The following SUCO variants were observed in gnomAD, a reference collection of about 807,000 sequenced individuals.
SUCO encodes the protein SUN domain containing ossification factor.
In SUCO, 57 loss-of-function variants were observed where a neutral mutation model predicts 148.1. The observed-to-expected ratio is 0.38, with a 90% CI of 0.31 to 0.48. SUCO has a LOEUF of 0.48. Among genes scored for constraint, SUCO ranks in the 20% least tolerant of loss-of-function variants. The pLI, the probability that SUCO is intolerant of heterozygous loss-of-function variation, is 0.96. For missense variants in SUCO, 1,331 were observed against 1,468.2 expected (o/e 0.91, Z 1.53); for synonymous variants, 470 against 502.7 (o/e 0.93, Z 0.87).
chr1:172,607,528 A>G (rs12739997), intron 22 of SUCO, among the ~76,000 whole-genome samples: 28,443 of 151,716 alleles, frequency 0.19, 3,130 homozygotes, highest in South Asian at 0.27. Flanking sequence ...ACCAAAGTTC[A>G]TATATTCTTG....
Position 172,557,270 on chromosome 1 carries a change from C to T in SUCO, c.444-10C>T, listed in dbSNP as rs1558180773. 1 of 1,609,198 alleles carries T rather than the reference C, an allele frequency of 6.2e-7. No individual in the cohort carries two copies. Among genetic ancestry groups the T allele is most frequent in the East Asian group, 2.2e-5 (1 of 44,796 alleles). On this transcript the variant is annotated splice_polypyrimidine_tract_variant and intron_variant, in intron 4 of 23. Transcript: ENST00000263688. ...AATTACCAGATTATGTTTCTTGTTT[C>T]TTTTTTTAGTGAAATAGAAAAATCT...
intron 19 of SUCO, among the ~76,000 whole-genome samples, chr1:172,596,977 C>G (rs1383033308): frequency 6.6e-6 from 1 of 152,230 alleles, no homozygotes; most frequent in Non-Finnish European, 1.5e-5. Context: ...CTACTCAAGC[C>G]TCAGCAATGG....
chr1:172,532,968 G>T, upstream of SUCO: 1 of 1,364,328 alleles, frequency 7.3e-7, no homozygotes, highest in Non-Finnish European at 9.7e-7. Flanking sequence ...CGAAGGGGGC[G>T]TGGCCTGCGC....
rs1179814611 is a variant in SUCO, at chr1:172,556,022, G to T, written c.442G>T (p.Asp148Tyr). The T allele has an allele frequency of 4.4e-6, 7 of 1,605,008 alleles. No homozygotes were observed. ...TSEITPISKL[D>Y]EIEKSGTIPI... ...AGAAATCACTCCAATCTCAAAGCTT[G>T]AGTAAGTTGTTACAAAAAACAAACA... Residue 148 changes from aspartate (D) to tyrosine (Y), a missense_variant and splice_region_variant, in exon 4 of 24, where the codon GAT (aspartate) becomes TAT (tyrosine). Asp to Tyr is a radical substitution (Grantham distance 160). Transcript: ENST00000263688.
chr1:172,532,856 C>A, upstream of SUCO: 3 of 1,529,582 alleles, frequency 2.0e-6, no homozygotes, highest in Non-Finnish European at 2.6e-6. Context: ...GCTTTCTGAA[C>A]GCAAGCCAGC....
rs1658226489 is a variant in SUCO, at chr1:172,611,711, T to C, written c.*1452T>C. The C allele has an allele frequency of 6.6e-6, 1 of 152,648 alleles. No individual in the cohort carries two copies. The highest frequency in any genetic ancestry group is 6.5e-5 in the Admixed American group (1 of 15,274). The allele number at this position is 152,648 out of a possible 1,614,324, so 9.5% of individuals were successfully genotyped here. A position where few individuals can be genotyped will look rare whatever the true frequency, so the allele number is the denominator to read the frequency against. On this transcript the variant is annotated 3_prime_UTR_variant, in exon 24 of 24. Transcript: ENST00000263688. ...AAAGAGGTCCAGATGAGAGCAGAGA[T>C]ACAGTGAGAAATTATGTGATCTGTG...
intron 22 of SUCO, among the ~76,000 whole-genome samples, chr1:172,603,855 G>A (rs532862811): frequency 3.2e-4 from 49 of 151,678 alleles, no homozygotes; most frequent in Non-Finnish European, 5.2e-4. Flanking sequence ...GTTTATTTTC[G>A]TTCCTTATAG....
intron 6 of SUCO, among the ~76,000 whole-genome samples, chr1:172,562,903 T>TG (rs368912597): frequency 2.0e-5 from 3 of 152,082 alleles, no homozygotes; most frequent in African/African-American, 7.2e-5. Context: ...AATTTCCCCT[T>TG]GCTGTTCTTG....
chr1:172,602,678 T>C lies in SUCO; in HGVS notation c.3174-18T>C, dbSNP rs767189203. 8 of 1,608,300 alleles carry C rather than the reference T, an allele frequency of 5.0e-6. No homozygotes were observed. The South Asian group carries it at 8.9e-5, about 18-fold the overall frequency. ...CTTTACTCGTTGTAACCAATATGTA[T>C]TTTTCCTAATGTGTTAGGTGTTTCT... On this transcript the variant is annotated intron_variant, in intron 21 of 23. Coordinates refer to ENST00000263688, the MANE Select transcript of SUCO (RefSeq NM_014283.5).
rs1200279603 is a variant in SUCO, at chr1:172,590,950, T to G, written c.2826-34T>G. 6.1e-6 allele frequency: 9 copies of G among 1,470,990 alleles called. No individual in the cohort carries two copies. In the East Asian group the frequency reaches 1.8e-4, roughly 30 times the overall value. The allele number at this position is 1,470,990 out of a possible 1,614,324, so 91.1% of individuals were successfully genotyped here. ...ATTACTAAGTGGAATAAGTAAGAAA[T>G]TAAAGCTGATTTAGACCAATTCTTA... On this transcript the variant is annotated intron_variant, in intron 18 of 23. Coordinates refer to ENST00000263688, the MANE Select transcript of SUCO (RefSeq NM_014283.5).
At chr1:172,573,414 C>CTT (rs988763629) in intron 9 of SUCO, among the ~76,000 whole-genome samples, 1 of 152,040 alleles carries the variant, frequency 6.6e-6, no homozygotes, top group African/African-American at 2.4e-5. Context: ...CCCCCCTGCC[C>CTT]TTATAGACTG....
At chr1:172,568,446 T>C in intron 6 of SUCO, 3 of 980,968 alleles carry the variant, frequency 3.1e-6, no homozygotes, top group Non-Finnish European at 3.6e-6. Context: ...CCTAACCAAA[T>C]GTATCAGCTT....
intron 20 of SUCO, among the ~76,000 whole-genome samples, chr1:172,601,740 A>AG (rs1657545404): frequency 6.6e-6 from 1 of 152,080 alleles, no homozygotes; most frequent in Non-Finnish European, 1.5e-5. Context: ...TTTCTCCTTG[A>AG]GGAGGAGATA....
chr1:172,602,039 T>G, intron 20 of SUCO, 25 bp from the exon 21 acceptor site: 1 of 1,566,588 alleles, frequency 6.4e-7, no homozygotes, highest in Non-Finnish European at 8.6e-7. Flanking sequence ...CCTATGATTA[T>G]TATTTAACCC....
intron 6 of SUCO, among the ~76,000 whole-genome samples, chr1:172,566,752 A>G (rs1302830817): frequency 1.3e-5 from 2 of 152,186 alleles, no homozygotes; most frequent in African/African-American, 2.4e-5. Flanking sequence ...TGTCATGGAA[A>G]GGGGTGGTAA....
At chr1:172,549,884 C>G (rs1653151103) in intron 1 of SUCO, among the ~76,000 whole-genome samples, 1 of 58,282 alleles carries the variant, frequency 1.7e-5, no homozygotes, top group African/African-American at 6.6e-5. Flanking sequence ...GAAAACCTTC[C>G]TTCAGGGAAA....
At chr1:172,583,253 A>C (rs917803999) in intron 15 of SUCO, among the ~76,000 whole-genome samples, 1 of 152,146 alleles carries the variant, frequency 6.6e-6, no homozygotes, top group African/African-American at 2.4e-5. Context: ...TCTTTAGCTT[A>C]AGTAAGAATT....
At chr1:172,533,620 G>A in intron 1 of SUCO, 123 bp downstream of exon 1, 2 of 1,252,528 alleles carry the variant, frequency 1.6e-6, no homozygotes, top group Non-Finnish European at 2.2e-6. Context: ...CCGTGGAAGG[G>A]ACAAACCGAT....
Position 172,611,042 on chromosome 1 carries a change from G to C in SUCO, c.*783G>C, listed in dbSNP as rs994760463. On this transcript the variant is annotated 3_prime_UTR_variant, in exon 24 of 24. Coordinates refer to ENST00000263688, the MANE Select transcript of SUCO (RefSeq NM_014283.5). ...TAAACACACTTAACCATTTGTGAAG[G>C]TTTTCTTTAGCTTACATTTTAAACA... The C allele has an allele frequency of 6.6e-6, 1 of 152,546 alleles. No individual in the cohort carries two copies. Among genetic ancestry groups the C allele is most frequent in the East Asian group, 1.9e-4 (1 of 5,194 alleles). 9.4% of individuals were successfully genotyped at this position (152,546 alleles called of 1,614,324 possible).
Sources: gnomAD v4.1 joint callset for allele counts (sites outside exome capture counted in the v4.1 genomes callset) on GRCh38, gnomAD v4.1.1 for gene constraint, MANE v1.5 for transcripts, NCBI Gene and HGNC (gene_info 2026-07-23, HGNC 2026-07-21) for gene names.